The following EBF3 variants were observed in gnomAD, a reference collection of about 807,000 sequenced individuals.
EBF3 encodes the protein EBF transcription factor 3, also known as transcription factor COE3.
A neutral mutation model predicts 77.1 loss-of-function variants in EBF3; 18 were observed. The observed-to-expected ratio is 0.23, with a 90% CI of 0.16 to 0.35. The LOEUF (loss-of-function observed/expected upper bound fraction) is 0.35. Ranked by LOEUF, EBF3 falls within the 10% of genes least tolerant of loss-of-function variation. The pLI, the probability that EBF3 is intolerant of heterozygous loss-of-function variation, is 1.00. For missense variants in EBF3, 558 were observed against 860.0 expected, an observed-to-expected ratio of 0.65 and a Z score of 4.39; for synonymous variants, 350 against 343.5, an observed-to-expected ratio of 1.02 and a Z score of -0.21.
chr10:129,879,657 C>T lies in EBF3; in HGVS notation c.555-1808G>A, dbSNP rs139303017. 2.2e-4 allele frequency among the ~76,000 whole-genome samples: 33 copies of T among 152,298 alleles called. No homozygotes were observed. Among genetic ancestry groups the T allele is most frequent in the Non-Finnish European group, 3.5e-4 (24 of 68,032 alleles). On this transcript the variant is annotated intron_variant, in intron 6 of 16. Coordinates refer to ENST00000440978, the MANE Select transcript of EBF3 (RefSeq NM_001375380.1). The surrounding 1 kb of genome is among the most constrained non-coding windows in gnomAD (Gnocchi z 4.7). ...TCACCTATACACTTAGCTCACAATG[C>T]CTCTTCACACCATCTGCCATCAGCA...
At chr10:129,880,032 A>G (rs140879776) in intron 6 of EBF3, among the ~76,000 whole-genome samples, 246 of 152,334 alleles carry the variant, frequency 1.6e-3, no homozygotes, top group African/African-American at 5.6e-3. Flanking sequence ...CCCCAGCTCC[A>G]GAGGAGGTTT....
chr10:129,880,328 C>T (rs983412979), intron 6 of EBF3, among the ~76,000 whole-genome samples: 1 of 151,810 alleles, frequency 6.6e-6, no homozygotes, highest in Admixed American at 6.6e-5. Flanking sequence ...CATGCCCACA[C>T]ATACATACAC....
At chr10:129,854,480 T>C (rs1000921831) in intron 10 of EBF3, among the ~76,000 whole-genome samples, 2 of 150,528 alleles carry the variant, frequency 1.3e-5, no homozygotes, top group Non-Finnish European at 2.9e-5. Flanking sequence ...TAATTTTTAG[T>C]CTATTTCAGT....
intron 6 of EBF3, among the ~76,000 whole-genome samples, chr10:129,924,339 C>T (rs1477911701): frequency 1.3e-5 from 2 of 150,830 alleles, no homozygotes; most frequent in African/African-American, 4.9e-5. Flanking sequence ...CACTTGAACC[C>T]GGGAAGTGGA....
intron 6 of EBF3, among the ~76,000 whole-genome samples, chr10:129,931,179 A>G (rs984693600): frequency 3.9e-5 from 6 of 152,174 alleles, no homozygotes; most frequent in Non-Finnish European, 8.8e-5. Context: ...CTTTCTGGAA[A>G]ACTCTGACTA....
At chr10:129,949,612 G>T (rs551040665) in intron 6 of EBF3, among the ~76,000 whole-genome samples, 1 of 152,264 alleles carries the variant, frequency 6.6e-6, no homozygotes, top group African/African-American at 2.4e-5. Context: ...GCCTGCCCAT[G>T]CCCATAATCA....
At chr10:129,932,608 G>A (rs1339236567) in intron 6 of EBF3, among the ~76,000 whole-genome samples, 1 of 152,226 alleles carries the variant, frequency 6.6e-6, no homozygotes, top group Non-Finnish European at 1.5e-5. Context: ...CATGGTGTAT[G>A]TAGCTCCACG....
chr10:129,873,380 G>A, intron 8 of EBF3, 72 bp downstream of exon 8: 2 of 1,406,906 alleles, frequency 1.4e-6, no homozygotes, highest in Non-Finnish European at 1.9e-6. Flanking sequence ...AACTCCACAT[G>A]AATGAACATA....
intron 6 of EBF3, among the ~76,000 whole-genome samples, chr10:129,910,249 A>G (rs1855435302): frequency 6.6e-6 from 1 of 152,242 alleles, no homozygotes; most frequent in African/African-American, 2.4e-5. Context: ...CTGTAAGCAC[A>G]GACTGTACAC....
chr10:129,880,022 C>G (rs10829656), intron 6 of EBF3, among the ~76,000 whole-genome samples: 82,631 of 151,984 alleles, frequency 0.54, 23,516 homozygotes, highest in Non-Finnish European at 0.62. Flanking sequence ...AGAGATTTCT[C>G]CCCAGCTCCA....
chr10:129,940,684 C>T (rs377526393), intron 6 of EBF3, among the ~76,000 whole-genome samples: 2 of 152,232 alleles, frequency 1.3e-5, no homozygotes, highest in South Asian at 4.1e-4. Flanking sequence ...CTCCTCCTCA[C>T]ACCTGCTAGG....
In EBF3 at chr10:129,841,049, C is replaced by CCCG. The variant is rs1850011798; in HGVS notation, c.1373-20_1373-18dup. 2 of 1,604,718 alleles carry CCCG rather than the reference C, an allele frequency of 1.2e-6. No homozygotes were observed. The highest frequency in any genetic ancestry group is 1.7e-6 in the Non-Finnish European group (2 of 1,175,850). The stretch of plus-strand genomic sequence containing the variant: ...TGTAGCCGACTGTTGAAATCCCCCC[C>CCCG]CCGGCCAAAAATAACATTATTATCA... On this transcript the variant is annotated splice_polypyrimidine_tract_variant and intron_variant, in intron 13 of 16. Coordinates refer to ENST00000440978, the MANE Select transcript of EBF3 (RefSeq NM_001375380.1). This position sits in a 1 kb window ranked among gnomAD's most constrained non-coding sequence, Gnocchi z 4.6.
Position 129,943,251 on chromosome 10 carries a change from A to G in EBF3, c.554+14007T>C, listed in dbSNP as rs1857915438. On this transcript the variant is annotated intron_variant, in intron 6 of 16. Transcript: ENST00000440978. This position sits in a 1 kb window ranked among gnomAD's most constrained non-coding sequence, Gnocchi z 8.8. ...GGATTTCAGCGGCTCTCCACAAACA[A>G]ATAAACAGCAAATACTTACAGGAGA... 6.6e-6 allele frequency among the ~76,000 whole-genome samples: 1 copy of G among 152,218 alleles called. No homozygotes were observed. Among genetic ancestry groups the G allele is most frequent in the African/African-American group, 2.4e-5 (1 of 41,450 alleles).
At chr10:129,919,696 A>G (rs1352352067) in intron 6 of EBF3, among the ~76,000 whole-genome samples, 2 of 152,184 alleles carry the variant, frequency 1.3e-5, no homozygotes, top group African/African-American at 2.4e-5. Context: ...GCTAAGTGCC[A>G]GGTTTCAGGG....
intron 10 of EBF3, among the ~76,000 whole-genome samples, chr10:129,857,715 G>A (rs1347777210): frequency 2.6e-5 from 4 of 152,186 alleles, no homozygotes; most frequent in Admixed American, 2.6e-4. Flanking sequence ...CTGCCAGGAT[G>A]GAGACTGTCA....
chr10:129,886,033 ATTTTTTTTT>A (rs59542647), intron 6 of EBF3, among the ~76,000 whole-genome samples: 12 of 126,294 alleles, frequency 9.5e-5, no homozygotes, highest in Non-Finnish European at 1.5e-4. Context: ...TTTGGTTTTA[ATTTTTTTTT>A]TTTTTTTTTT....
At position 129,963,061 on chromosome 10, in the gene EBF3, C is replaced by T. The variant is rs915026138; in HGVS notation, c.292-56G>A. On this transcript the variant is annotated intron_variant, in intron 2 of 16. Coordinates refer to ENST00000440978, the MANE Select transcript of EBF3 (RefSeq NM_001375380.1). The surrounding 1 kb of genome is among the most constrained non-coding windows in gnomAD (Gnocchi z 7.1). ...TGCGATCGGTGTCAGGCGCGGCCACCACGCTCGGTCCCCCTCCGCGACCGA... is the reference window on the plus strand; with the variant it reads ...TGCGATCGGTGTCAGGCGCGGCCACTACGCTCGGTCCCCCTCCGCGACCGA... 1.9e-6 allele frequency: 3 copies of T among 1,605,404 alleles called. No individual in the cohort carries two copies. Among genetic ancestry groups the T allele is most frequent in the Non-Finnish European group, 2.6e-6 (3 of 1,172,298 alleles).
At chr10:129,859,814 T>C (rs1851496448) in intron 10 of EBF3, among the ~76,000 whole-genome samples, 1 of 151,986 alleles carries the variant, frequency 6.6e-6, no homozygotes. Flanking sequence ...GCCGTGTAGA[T>C]TTGGTGGGAG....
intron 6 of EBF3, among the ~76,000 whole-genome samples, chr10:129,880,802 C>T (rs1853151905): frequency 6.6e-6 from 1 of 152,190 alleles, no homozygotes. Context: ...ACCTCTTACC[C>T]TAGTTTTGGT....
Sources: allele counts gnomAD v4.1 joint callset (sites outside exome capture counted in the v4.1 genomes callset), GRCh38; gene constraint gnomAD v4.1.1; non-coding constraint Gnocchi (gnomAD v3.1); transcripts MANE v1.5; gene names NCBI Gene and HGNC (gene_info 2026-07-23, HGNC 2026-07-21).